SAXO1: variants seen among roughly 807,000 people sequenced by gnomAD.
SAXO1 encodes stabilizer of axonemal microtubules 1, also known as 4930500O09Rik.
Under a neutral mutation model 17.5 loss-of-function variants are expected in SAXO1, and 21 were observed. The observed-to-expected ratio is 1.20, with a 90% CI of 0.85 to 1.72. SAXO1 has a LOEUF of 1.72. Among genes scored for constraint, SAXO1 ranks in the 40% most tolerant of loss-of-function variants. SAXO1 has a pLI of 0.00. For missense variants in SAXO1, 843 were observed against 596.0 expected (o/e 1.41, Z -4.32); for synonymous variants, 274 against 216.5 (o/e 1.27, Z -2.33).
At chr9:19,031,766 A>T (rs1455298729) in intron 1 of SAXO1, among the ~76,000 whole-genome samples, 1 of 152,152 alleles carries the variant, frequency 6.6e-6, no homozygotes, top group Non-Finnish European at 1.5e-5. Context: ...GAGAGTATCA[A>T]TTCAACGGCC....
At chr9:19,001,231 A>T (rs1030922312) in intron 1 of SAXO1, among the ~76,000 whole-genome samples, 2 of 152,236 alleles carry the variant, frequency 1.3e-5, no homozygotes, top group Admixed American at 1.3e-4. Flanking sequence ...AGAAATCACA[A>T]CAAACTGTCT....
At chr9:19,015,885 A>G (rs997852172) in intron 1 of SAXO1, among the ~76,000 whole-genome samples, 2 of 152,108 alleles carry the variant, frequency 1.3e-5, no homozygotes, top group African/African-American at 4.8e-5. Flanking sequence ...CTGCATCTGA[A>G]TCACCAAAGT....
chr9:19,000,572 A>G (rs1834224096), intron 1 of SAXO1, among the ~76,000 whole-genome samples: 1 of 152,072 alleles, frequency 6.6e-6, no homozygotes, highest in African/African-American at 2.4e-5. Context: ...CATACGCCCC[A>G]CCATCTGGGA....
intron 1 of SAXO1, among the ~76,000 whole-genome samples, chr9:18,983,657 C>A (rs761732142): frequency 6.6e-6 from 1 of 152,202 alleles, no homozygotes; most frequent in African/African-American, 2.4e-5. Context: ...ACTTCTAATT[C>A]TAGTTCTCTT....
chr9:19,026,752 C>T (rs375291807), intron 1 of SAXO1: 18 of 404,370 alleles, frequency 4.5e-5, no homozygotes, highest in African/African-American at 2.5e-4. Context: ...AATGCTGGGC[C>T]GGGCGTGGTA....
intron 1 of SAXO1, among the ~76,000 whole-genome samples, chr9:19,021,384 T>A (rs1313431516): frequency 6.6e-6 from 1 of 152,180 alleles, no homozygotes; most frequent in Admixed American, 6.5e-5. Flanking sequence ...CATTAAATAC[T>A]TTTGATGAAC....
intron 1 of SAXO1, among the ~76,000 whole-genome samples, chr9:19,010,393 T>A (rs1011755949): frequency 2.0e-5 from 3 of 151,770 alleles, no homozygotes; most frequent in African/African-American, 4.8e-5. Flanking sequence ...AAATAAAAGA[T>A]AATCCAGGGG....
chr9:19,024,968 T>C (rs1216460977), intron 1 of SAXO1, among the ~76,000 whole-genome samples: 1 of 152,226 alleles, frequency 6.6e-6, no homozygotes, highest in African/African-American at 2.4e-5. Flanking sequence ...GTCGAATAGA[T>C]CATGTTTACT....
rs1387506874 is a variant in SAXO1, at chr9:18,928,743, C to T, written c.734G>A (p.Arg245Gln). The T allele has an allele frequency of 5.0e-6, 8 of 1,613,958 alleles. No individual in the cohort carries two copies. Among genetic ancestry groups the T allele is most frequent in the African/African-American group, 1.3e-5 (1 of 74,874 alleles). ...ESLTTQKQSY[R>Q]GLMGEPAKSL... is the part of the protein sequence containing the mutation. ...CTTGGCAGGCTCCCCCATCAGGCCC[C>T]GGTAGGATTGTTTTTGAGTGGTAAG... Residue 245 changes from arginine to glutamine, a missense_variant, in exon 4 of 4, where the codon CGG becomes CAG. Coordinates refer to ENST00000380534, the MANE Select transcript of SAXO1 (RefSeq NM_153707.4).
chr9:18,938,537 G>A lies in SAXO1; in HGVS notation c.421+3100C>T, dbSNP rs536779433. 3.9e-4 allele frequency among the ~76,000 whole-genome samples: 60 copies of A among 152,032 alleles called. 1 individual carries two copies. The South Asian group carries it at 0.012, about 30-fold the overall frequency. ...ATTTTACAGTACTAAGGGGGCAGGG[G>A]GGTGCTAAACCATCAAAAACCGCCC... On this transcript the variant is annotated intron_variant, in intron 3 of 3. Transcript: ENST00000380534.
intron 1 of SAXO1, among the ~76,000 whole-genome samples, chr9:18,975,306 G>T (rs1425140738): frequency 2.0e-5 from 3 of 152,192 alleles, no homozygotes; most frequent in African/African-American, 7.2e-5. Flanking sequence ...ACCAGATCAA[G>T]AAGAGTCTTA....
At chr9:19,027,304 A>T (rs993056630) in intron 1 of SAXO1, 2 of 833,808 alleles carry the variant, frequency 2.4e-6, no homozygotes, top group African/African-American at 3.3e-5. Flanking sequence ...GTGGGTGTGA[A>T]CAAAGACTCC....
intron 2 of SAXO1, among the ~76,000 whole-genome samples, chr9:18,950,324 A>AT (rs754969097): frequency 3.7e-4 from 56 of 151,942 alleles, no homozygotes; most frequent in Non-Finnish European, 7.1e-4. Context: ...AAAAAAGCTC[A>AT]TTTTTTCTCT....
At chr9:18,938,386 T>G (rs932504316) in intron 3 of SAXO1, among the ~76,000 whole-genome samples, 2 of 152,132 alleles carry the variant, frequency 1.3e-5, no homozygotes, top group Admixed American at 1.3e-4. Flanking sequence ...CAGGGAGTTT[T>G]ACTCATGGTG....
chr9:19,043,103 C>G (rs995771735), intron 1 of SAXO1, among the ~76,000 whole-genome samples: 25 of 152,022 alleles, frequency 1.6e-4, no homozygotes, highest in African/African-American at 5.1e-4. Context: ...GCCTGAGAGG[C>G]AGAGGTTGCA....
chr9:18,969,762 T>A (rs1230236907), intron 1 of SAXO1, among the ~76,000 whole-genome samples: 1 of 152,228 alleles, frequency 6.6e-6, no homozygotes, highest in Non-Finnish European at 1.5e-5. Flanking sequence ...TACACAGTCT[T>A]ATCTTATTCT....
intron 1 of SAXO1, among the ~76,000 whole-genome samples, chr9:18,954,348 T>A (rs1832160807): frequency 6.6e-6 from 1 of 152,070 alleles, no homozygotes; most frequent in Non-Finnish European, 1.5e-5. Flanking sequence ...AGAATTTTTT[T>A]TTTTTTAAGA....
At chr9:19,017,050 T>G (rs892078669) in intron 1 of SAXO1, among the ~76,000 whole-genome samples, 17 of 152,282 alleles carry the variant, frequency 1.1e-4, no homozygotes, top group African/African-American at 3.8e-4. Context: ...GGCTCATGCC[T>G]GTACTCCTAG....
At chr9:18,936,531 G>A (rs184727324) in intron 3 of SAXO1, among the ~76,000 whole-genome samples, 162 of 152,270 alleles carry the variant, frequency 1.1e-3, no homozygotes, top group African/African-American at 3.9e-3. Context: ...TGCCTCATGT[G>A]ATTTCTGATA....
Sources: allele counts gnomAD v4.1 joint callset (sites outside exome capture counted in the v4.1 genomes callset), GRCh38; gene constraint gnomAD v4.1.1; transcripts MANE v1.5; gene names NCBI Gene and HGNC (gene_info 2026-07-23, HGNC 2026-07-21).